CCDC91: variants seen among roughly 807,000 people sequenced by gnomAD.
CCDC91 encodes the protein coiled-coil domain-containing protein 91.
A neutral mutation model predicts 63.2 loss-of-function variants in CCDC91; 48 were observed. The ratio of observed to expected loss-of-function variants is 0.76; its 90% CI spans 0.60 to 0.97. CCDC91 has a LOEUF of 0.97. Ranked by LOEUF, CCDC91 falls within the 50% of genes least tolerant of loss-of-function variation. The pLI is 0.00. For synonymous variants in CCDC91, 167 were observed against 165.8 expected, an observed-to-expected ratio of 1.01 and a Z score of -0.06; for missense variants, 500 against 494.6, an observed-to-expected ratio of 1.01 and a Z score of -0.10.
At chr12:28,484,505 CAT>C (rs901200107) in intron 12 of CCDC91, among the ~76,000 whole-genome samples, 4 of 152,048 alleles carry the variant, frequency 2.6e-5, no homozygotes, top group Admixed American at 1.3e-4. Context: ...TATTCATAGA[CAT>C]GTGTATGCAT....
chr12:28,230,796 G>T (rs1227451173), intron 1 of CCDC91, among the ~76,000 whole-genome samples: 1 of 151,872 alleles, frequency 6.6e-6, no homozygotes, highest in Non-Finnish European at 1.5e-5. Context: ...GCTACATTTT[G>T]TATTTTTTTG....
At chr12:28,273,338 C>G (rs558360534) in intron 3 of CCDC91, among the ~76,000 whole-genome samples, 1 of 152,122 alleles carries the variant, frequency 6.6e-6, no homozygotes, top group South Asian at 2.1e-4. Flanking sequence ...GATTTATAAT[C>G]CTTTGGGTAT....
chr12:28,528,489 G>A (rs1321872853), intron 12 of CCDC91, among the ~76,000 whole-genome samples: 1 of 152,170 alleles, frequency 6.6e-6, no homozygotes, highest in Non-Finnish European at 1.5e-5. Context: ...GTGTCTCCCA[G>A]GTCCTGCAGG....
intron 7 of CCDC91, among the ~76,000 whole-genome samples, chr12:28,386,517 C>G (rs1211403751): frequency 6.6e-6 from 1 of 151,988 alleles, no homozygotes; most frequent in Non-Finnish European, 1.5e-5. Context: ...TACAGGTGCA[C>G]TCCACGATGC....
chr12:28,405,989 C>T (rs1490820072), intron 8 of CCDC91, among the ~76,000 whole-genome samples: 1 of 152,100 alleles, frequency 6.6e-6, no homozygotes, highest in Non-Finnish European at 1.5e-5. Flanking sequence ...AGTAACTACC[C>T]TATGCATCCC....
At chr12:28,327,309 C>T (rs1941103739) in intron 6 of CCDC91, among the ~76,000 whole-genome samples, 1 of 152,120 alleles carries the variant, frequency 6.6e-6, no homozygotes, top group African/African-American at 2.4e-5. Flanking sequence ...ATGCTGGCAG[C>T]TGTGCCAATA....
chr12:28,453,578 T>A (rs1949918026), intron 11 of CCDC91, among the ~76,000 whole-genome samples: 1 of 152,100 alleles, frequency 6.6e-6, no homozygotes, highest in South Asian at 2.1e-4. Flanking sequence ...ACCCATTTAT[T>A]ACAAAAATTA....
At chr12:28,355,281 G>A (rs1943448817) in intron 6 of CCDC91, among the ~76,000 whole-genome samples, 2 of 152,124 alleles carry the variant, frequency 1.3e-5, no homozygotes, top group African/African-American at 4.8e-5. Context: ...CACTTGATAA[G>A]GTGACATTGA....
At chr12:28,234,825 T>C (rs1944834266) in intron 1 of CCDC91, among the ~76,000 whole-genome samples, 1 of 152,140 alleles carries the variant, frequency 6.6e-6, no homozygotes, top group Non-Finnish European at 1.5e-5. Flanking sequence ...TCTATTGTTA[T>C]AAATAGGGAG....
intron 8 of CCDC91, among the ~76,000 whole-genome samples, chr12:28,421,378 A>T (rs1947997826): frequency 6.6e-6 from 1 of 151,954 alleles, no homozygotes; most frequent in South Asian, 2.1e-4. Flanking sequence ...ACCCTCAGGT[A>T]GGCCCTGGTG....
At chr12:28,473,983 T>TGTGC (rs895245282) in intron 11 of CCDC91, among the ~76,000 whole-genome samples, 1 of 151,940 alleles carries the variant, frequency 6.6e-6, no homozygotes, top group African/African-American at 2.4e-5. Flanking sequence ...TTTGTGTGTG[T>TGTGC]GTGTGTGTGT....
intron 8 of CCDC91, among the ~76,000 whole-genome samples, chr12:28,446,655 C>T (rs561121675): frequency 3.3e-5 from 5 of 152,078 alleles, no homozygotes; most frequent in East Asian, 1.9e-4. Context: ...GTAGAGACCA[C>T]GGTTTTATCC....
chr12:28,379,906 A>G (rs1293540817), intron 7 of CCDC91, among the ~76,000 whole-genome samples: 3 of 152,164 alleles, frequency 2.0e-5, no homozygotes, highest in African/African-American at 7.2e-5. Context: ...AACTAACCCA[A>G]ATGTCAGTGA....
At chr12:28,542,075 T>C (rs1198445945) in intron 12 of CCDC91, among the ~76,000 whole-genome samples, 1 of 152,110 alleles carries the variant, frequency 6.6e-6, no homozygotes, top group Admixed American at 6.6e-5. Flanking sequence ...GTTACCAGAA[T>C]TATTTTCTTT....
intron 8 of CCDC91, among the ~76,000 whole-genome samples, chr12:28,441,029 G>T (rs560596850): frequency 9.0e-6 from 1 of 110,650 alleles, no homozygotes; most frequent in Admixed American, 1.4e-4. Context: ...CTGCTCTCCA[G>T]CCTGGGTGAC....
At position 28,419,619 on chromosome 12, in the gene CCDC91, T is replaced by G. The variant is rs141345844; in HGVS notation, c.762+28208T>G. ...GTAAGTCTACTTTTACTGATATTGG[T>G]CAATCAGTAATAGAGGATAACCACC... On this transcript the variant is annotated intron_variant, in intron 8 of 12. Transcript: ENST00000536442. 3.5e-3 allele frequency among the ~76,000 whole-genome samples: 531 copies of G among 152,246 alleles called. 7 individuals are homozygous for G. Among genetic ancestry groups the G allele is most frequent in the African/African-American group, 0.012 (499 of 41,540 alleles).
chr12:28,242,020 A>T (rs1945375329), intron 1 of CCDC91, among the ~76,000 whole-genome samples: 1 of 151,134 alleles, frequency 6.6e-6, no homozygotes, highest in Non-Finnish European at 1.5e-5. Context: ...AAAAAAACGA[A>T]ACAAAAAAAA....
intron 12 of CCDC91, among the ~76,000 whole-genome samples, chr12:28,542,590 G>A (rs1463129296): frequency 6.6e-6 from 1 of 152,040 alleles, no homozygotes; most frequent in Non-Finnish European, 1.5e-5. Context: ...CAAAGTTAAG[G>A]CACCCAGCAC....
rs1941606098 is a variant in CCDC91, at chr12:28,194,814, G to A, written c.-15+4173G>A. Among the ~76,000 whole-genome samples the A allele has an allele frequency of 2.0e-5, 3 of 149,698 alleles. No individual in the cohort carries two copies. In the South Asian group the frequency reaches 6.4e-4, roughly 32 times the overall value. On this transcript the variant is annotated intron_variant, in intron 1 of 12. Coordinates refer to ENST00000536442, the MANE Select transcript of CCDC91 (RefSeq NM_018318.5). ...GCTGTAGACCTTTGTGGTGGGTGTT[G>A]CAGCTCATTGTTATAGCTCGTAAAG...
Sources: allele counts gnomAD v4.1 joint callset (sites outside exome capture counted in the v4.1 genomes callset), GRCh38; gene constraint gnomAD v4.1.1; transcripts MANE v1.5; gene names NCBI Gene and HGNC (gene_info 2026-07-23, HGNC 2026-07-21).